The following GSDME variants were observed in gnomAD, a reference collection of about 807,000 sequenced individuals.
GSDME encodes gasdermin-E.
Under a neutral mutation model 47.5 loss-of-function variants are expected in GSDME, and 44 were observed. The observed-to-expected ratio is 0.93, with a 90% confidence interval of 0.73 to 1.19. The LOEUF (loss-of-function observed/expected upper bound fraction) is 1.19. Among genes scored for constraint, GSDME ranks in the 50% most tolerant of loss-of-function variants. The pLI, the probability that GSDME is intolerant of heterozygous loss-of-function variation, is 0.00. For missense variants in GSDME, 663 were observed against 604.2 expected, an observed-to-expected ratio of 1.10 and a Z score of -1.02; for synonymous variants, 258 against 252.8, an observed-to-expected ratio of 1.02 and a Z score of -0.20.
upstream of GSDME, among the ~76,000 whole-genome samples, chr7:24,759,561 GT>G (rs1201556346): frequency 6.6e-6 from 1 of 152,204 alleles, no homozygotes; most frequent in Non-Finnish European, 1.5e-5. Flanking sequence ...CTATTTGGGG[GT>G]TTCAAGTTAC....
chr7:24,734,794 A>AAT (rs770664796), intron 3 of GSDME, among the ~76,000 whole-genome samples: 1,706 of 152,332 alleles, frequency 0.011, 25 homozygotes, highest in South Asian at 0.068. Context: ...ATACACCTAA[A>AAT]AGACATAGAA....
In GSDME at chr7:24,705,347, T is replaced by TA. The variant is rs1789051228; in HGVS notation, c.1183+836dup. ...GACAGAGCATATATTTATCAGCACA[T>TA]AGAGTTGGGACAGGCATTCTCTCAG... On this transcript the variant is annotated intron_variant, in intron 8 of 9. Coordinates refer to ENST00000645220, the MANE Select transcript of GSDME (RefSeq NM_001127453.2). This position sits in a 1 kb window ranked among gnomAD's most constrained non-coding sequence, Gnocchi z 4.1. 6.6e-6 allele frequency: 1 copy of TA among 152,398 alleles called. No homozygotes were observed. The highest frequency in any genetic ancestry group is 6.5e-5 in the Admixed American group (1 of 15,302). 9.4% of individuals were successfully genotyped at this position (152,398 alleles called of 1,614,324 possible). A position where few individuals can be genotyped will look rare whatever the true frequency, so the allele number is the denominator to read the frequency against.
At chr7:24,704,424 T>C (rs922536274) in intron 8 of GSDME, 11 of 152,156 alleles carry the variant, frequency 7.2e-5, no homozygotes, top group Admixed American at 3.3e-4. Context: ...TCCAGCACTT[T>C]CCTCAGTTTT....
intron 5 of GSDME, among the ~76,000 whole-genome samples, chr7:24,711,006 T>C (rs1001738117): frequency 6.6e-6 from 1 of 152,224 alleles, no homozygotes; most frequent in African/African-American, 2.4e-5. Context: ...AAAAGCCTTA[T>C]CATTTCAAGG....
At chr7:24,760,245 A>G (rs534591276), upstream of GSDME, among the ~76,000 whole-genome samples, 25 of 152,238 alleles carry the variant, frequency 1.6e-4, no homozygotes, top group South Asian at 6.2e-4. This position sits in a 1 kb window ranked among gnomAD's most constrained non-coding sequence, Gnocchi z 4.2. Context: ...AAGGGCAGCA[A>G]AAGTCAATAA....
chr7:24,794,032 G>A, the GSDME span, among the ~76,000 whole-genome samples: 2 of 152,212 alleles, frequency 1.3e-5, no homozygotes, highest in African/African-American at 4.8e-5. Flanking sequence ...TGGTATTGGA[G>A]TGTTATATGA....
the GSDME span, among the ~76,000 whole-genome samples, chr7:24,782,472 G>A: frequency 6.6e-6 from 1 of 152,112 alleles, no homozygotes; most frequent in Admixed American, 6.5e-5. Context: ...ATCATTGATG[G>A]ACATTTGGGT....
the GSDME span, among the ~76,000 whole-genome samples, chr7:24,773,374 C>T: frequency 6.6e-6 from 1 of 152,196 alleles, no homozygotes; most frequent in Non-Finnish European, 1.5e-5. The surrounding 1 kb of genome is among the most constrained non-coding windows in gnomAD (Gnocchi z 5.4). Context: ...GGATAAAGCA[C>T]TATTATTATT....
At chr7:24,718,158 C>G (rs1034696718) in intron 4 of GSDME, among the ~76,000 whole-genome samples, 2 of 152,354 alleles carry the variant, frequency 1.3e-5, no homozygotes, top group South Asian at 2.1e-4. Flanking sequence ...CATCTCCCAT[C>G]GGCGCCTCCC....
At chr7:24,740,748 AT>A (rs1790463222) in intron 3 of GSDME, among the ~76,000 whole-genome samples, 1 of 152,184 alleles carries the variant, frequency 6.6e-6, no homozygotes, top group Non-Finnish European at 1.5e-5. Flanking sequence ...TTGCTTTAAT[AT>A]ACTGGTTTCA....
chr7:24,717,443 G>A, intron 4 of GSDME, 69 bp from the exon 5 acceptor site: 1 of 1,610,160 alleles, frequency 6.2e-7, no homozygotes, highest in Admixed American at 1.7e-5. Flanking sequence ...CCCCACTGCA[G>A]CCAGCCTCGT....
At chr7:24,703,134 A>G in intron 8 of GSDME, 1 of 369,330 alleles carries the variant, frequency 2.7e-6, no homozygotes, top group African/African-American at 2.1e-5. Flanking sequence ...AACAGCATGG[A>G]AAAGCAGACC....
chr7:24,727,991 C>T (rs1432343816), intron 3 of GSDME, among the ~76,000 whole-genome samples: 2 of 152,166 alleles, frequency 1.3e-5, no homozygotes, highest in Non-Finnish European at 2.9e-5. Context: ...TAGCTGCCGT[C>T]CCCAGCACTG....
the GSDME span, among the ~76,000 whole-genome samples, chr7:24,775,159 A>G: frequency 9.3e-4 from 142 of 152,240 alleles, 1 homozygote; most frequent in East Asian, 0.018. Context: ...CTGTTGGTAC[A>G]TTTTTCTCAT....
the GSDME span, among the ~76,000 whole-genome samples, chr7:24,766,735 G>A: frequency 3.3e-5 from 5 of 152,174 alleles, no homozygotes. This position sits in a 1 kb window ranked among gnomAD's most constrained non-coding sequence, Gnocchi z 4.2. Flanking sequence ...CCAAGTCTTT[G>A]CTATTGTGAA....
chr7:24,755,129 C>G (rs1790974690), intron 1 of GSDME, among the ~76,000 whole-genome samples: 1 of 152,236 alleles, frequency 6.6e-6, no homozygotes, highest in African/African-American at 2.4e-5. Context: ...AGGGAACTGG[C>G]CTGGAACTAT....
intron 9 of GSDME, among the ~76,000 whole-genome samples, chr7:24,702,055 A>C (rs944793765): frequency 1.3e-5 from 2 of 152,186 alleles, no homozygotes; most frequent in African/African-American, 2.4e-5. Context: ...TTAGGCCTTA[A>C]AATAATCAGA....
chr7:24,704,279 A>G (rs1013062571), intron 8 of GSDME: 13 of 152,156 alleles, frequency 8.5e-5, no homozygotes, highest in Admixed American at 1.3e-4. Flanking sequence ...AGGAGTTGAG[A>G]CCTTTGGAGT....
chr7:24,723,639 T>C (rs868561738), intron 3 of GSDME, among the ~76,000 whole-genome samples: 6 of 152,316 alleles, frequency 3.9e-5, no homozygotes, highest in Middle Eastern at 3.4e-3. Flanking sequence ...GAGAGGTTGA[T>C]GGTAGTAACC....
Sources: gnomAD v4.1 joint callset for allele counts (sites outside exome capture counted in the v4.1 genomes callset) on GRCh38, gnomAD v4.1.1 for gene constraint, Gnocchi (gnomAD v3.1) non-coding constraint, MANE v1.5 for transcripts, NCBI Gene and HGNC (gene_info 2026-07-23, HGNC 2026-07-21) for gene names.